Variants in PCDHGA2 observed in about 807,000 individuals in gnomAD.
PCDHGA2 encodes the protein protocadherin gamma subfamily A, 2, also known as protocadherin gamma-A2.
Under a neutral mutation model 59.2 loss-of-function variants are expected in PCDHGA2, and 40 were observed. The ratio of observed to expected loss-of-function variants is 0.68; its 90% CI spans 0.52 to 0.88. PCDHGA2 has a LOEUF of 0.88. Ranked by LOEUF, PCDHGA2 falls within the 40% of genes least tolerant of loss-of-function variation. The probability of loss-of-function intolerance (pLI) is 0.00; values close to 1 mark genes in which losing one functional copy is unlikely to be tolerated. For synonymous variants in PCDHGA2, 560 were observed against 526.0 expected (o/e 1.06, Z -0.89); for missense variants, 1,226 against 1,204.0 (o/e 1.02, Z -0.27).
At chr5:141,352,843 T>C (rs1158383642) in intron 1 of PCDHGA2, 4 of 698,596 alleles carry the variant, frequency 5.7e-6, no homozygotes, top group East Asian at 2.7e-5. Context: ...CAAAAATTAG[T>C]TGGGTGTGGT....
intron 1 of PCDHGA2, among the ~76,000 whole-genome samples, chr5:141,492,762 T>C (rs917580804): frequency 2.6e-5 from 4 of 152,206 alleles, no homozygotes; most frequent in African/African-American, 9.6e-5. Flanking sequence ...GGGCTCCGCG[T>C]TGGGCGAGTG....
At chr5:141,385,262 A>C (rs746220376) in intron 1 of PCDHGA2, 5 of 1,613,732 alleles carry the variant, frequency 3.1e-6, no homozygotes, top group Non-Finnish European at 4.2e-6. Flanking sequence ...TGTGAGAAAA[A>C]TGATTCTTTG....
At chr5:141,478,161 C>T (rs201111122) in intron 1 of PCDHGA2, 20 of 1,613,852 alleles carry the variant, frequency 1.2e-5, no homozygotes, top group Admixed American at 3.3e-5. Context: ...TCTGGCTCTG[C>T]CCCCCGGGAG....
At chr5:141,373,589 G>A (rs1769704620) in intron 1 of PCDHGA2, among the ~76,000 whole-genome samples, 2 of 152,242 alleles carry the variant, frequency 1.3e-5, no homozygotes, top group African/African-American at 2.4e-5. Flanking sequence ...GTGGTGAAAT[G>A]TGATGATAAT....
At chr5:141,418,935 A>T (rs1424307952) in intron 1 of PCDHGA2, 2 of 1,613,834 alleles carry the variant, frequency 1.2e-6, no homozygotes, top group Admixed American at 3.3e-5. Context: ...ATTATGGAGG[A>T]TTCCCCTCCA....
intron 1 of PCDHGA2, chr5:141,405,172 T>G: frequency 1.2e-6 from 2 of 1,614,092 alleles, no homozygotes; most frequent in African/African-American, 2.7e-5. Flanking sequence ...CCTCACACTT[T>G]GTGGGTGTAG....
intron 3 of PCDHGA2, chr5:141,508,127 G>A (rs1220643878): frequency 6.6e-6 from 1 of 152,628 alleles, no homozygotes; most frequent in Non-Finnish European, 1.5e-5. Context: ...ACAGAGGGAG[G>A]TCAGGGAGCT....
chr5:141,433,223 T>C lies in PCDHGA2; in HGVS notation c.2425-61584T>C, dbSNP rs2097577369. On this transcript the variant is annotated intron_variant, in intron 1 of 3. Coordinates refer to ENST00000394576, the MANE Select transcript of PCDHGA2 (RefSeq NM_018915.4). The stretch of plus-strand genomic sequence containing the variant: ...AATCTTCTTTCTTTTTTTTTTTTAA[T>C]TGCTCTGTCTCCCAAGCTGGAATGC... The C allele has an allele frequency of 4.6e-6, 7 of 1,525,952 alleles. No individual in the cohort carries two copies. In the East Asian group the frequency reaches 1.6e-4, roughly 34 times the overall value. The allele number at this position is 1,525,952 out of a possible 1,614,324, so 94.5% of individuals were successfully genotyped here. A position where few individuals can be genotyped will look rare whatever the true frequency, so the allele number is the denominator to read the frequency against.
At chr5:141,382,930 A>G (rs1292069137) in intron 1 of PCDHGA2, 9 of 1,583,428 alleles carry the variant, frequency 5.7e-6, no homozygotes, top group East Asian at 4.5e-5. Context: ...CGGGGACTAC[A>G]GAGGATTCTT....
intron 1 of PCDHGA2, among the ~76,000 whole-genome samples, chr5:141,455,428 GA>G (rs2098822635): frequency 6.6e-6 from 1 of 152,176 alleles, no homozygotes; most frequent in Non-Finnish European, 1.5e-5. Context: ...GGCTCCAAAA[GA>G]GGAGGTCCCC....
intron 1 of PCDHGA2, chr5:141,341,725 T>G: frequency 2.1e-6 from 1 of 466,714 alleles, no homozygotes; most frequent in South Asian, 3.9e-5. Flanking sequence ...AGATCAACAA[T>G]TTTTTCTTTG....
chr5:141,491,908 G>A lies in PCDHGA2; in HGVS notation c.2425-2899G>A. ...GGGGCTCCGAGCACCGGGGGTGGTG[G>A]CGACTGTGGGCGAGGGGAGGTGGGA... On this transcript the variant is annotated intron_variant, in intron 1 of 3. Transcript: ENST00000394576. The surrounding 1 kb of genome is among the most constrained non-coding windows in gnomAD (Gnocchi z 6.9). The A allele has an allele frequency of 7.1e-7, 1 of 1,408,288 alleles. No individual in the cohort carries two copies. Among genetic ancestry groups the A allele is most frequent in the East Asian group, 2.5e-5 (1 of 39,276 alleles). The allele number at this position is 1,408,288 out of a possible 1,614,324, so 87.2% of individuals were successfully genotyped here. A position where few individuals can be genotyped will look rare whatever the true frequency, so the allele number is the denominator to read the frequency against.
chr5:141,489,165 G>T lies in PCDHGA2; in HGVS notation c.2425-5642G>T. ...GAAGGAGACATAAGAGACTTCAGCT[G>T]CTGCATTCCAAGCCCTGGGTCTACC... On this transcript the variant is annotated intron_variant, in intron 1 of 3. Coordinates refer to ENST00000394576, the MANE Select transcript of PCDHGA2 (RefSeq NM_018915.4). This position sits in a 1 kb window ranked among gnomAD's most constrained non-coding sequence, Gnocchi z 4.5. 9.2e-7 allele frequency: 1 copy of T among 1,082,084 alleles called. No homozygotes were observed. Among genetic ancestry groups the T allele is most frequent in the Non-Finnish European group, 1.3e-6 (1 of 745,856 alleles). 67.0% of individuals were successfully genotyped at this position (1,082,084 alleles called of 1,614,324 possible).
rs888457230 is a variant in PCDHGA2, at chr5:141,493,727, C to T, written c.2425-1080C>T. On this transcript the variant is annotated intron_variant, in intron 1 of 3. Transcript: ENST00000394576. This position sits in a 1 kb window ranked among gnomAD's most constrained non-coding sequence, Gnocchi z 4.3. ...TGGAATGCTAGGTTTCTGGGTTCTG[C>T]TCATATCACTGCCACCTGTGAGCCT... Among the ~76,000 whole-genome samples, 2 of 152,184 alleles carry T rather than the reference C, an allele frequency of 1.3e-5. No homozygotes were observed. Among genetic ancestry groups the T allele is most frequent in the Admixed American group, 6.5e-5 (1 of 15,280 alleles).
chr5:141,492,487 C>T (rs1031047955), intron 1 of PCDHGA2, among the ~76,000 whole-genome samples: 1 of 152,222 alleles, frequency 6.6e-6, no homozygotes, highest in Non-Finnish European at 1.5e-5. Context: ...CGCCCAGGAC[C>T]AGGCGAGGAC....
At chr5:141,461,302 T>A (rs1009664719) in intron 1 of PCDHGA2, among the ~76,000 whole-genome samples, 3 of 152,142 alleles carry the variant, frequency 2.0e-5, no homozygotes. Flanking sequence ...CAACATCTAT[T>A]GTTTTTTGAC....
chr5:141,350,155 G>C (rs950480253), intron 1 of PCDHGA2: 18 of 998,812 alleles, frequency 1.8e-5, no homozygotes, highest in Non-Finnish European at 2.2e-5. Context: ...TCACCCTCGA[G>C]CGCCTAACTA....
chr5:141,484,123 T>C (rs2099592351), intron 1 of PCDHGA2, among the ~76,000 whole-genome samples: 1 of 152,174 alleles, frequency 6.6e-6, no homozygotes, highest in South Asian at 2.1e-4. Flanking sequence ...AAGAATACCT[T>C]GGTGTCAGAT....
At chr5:141,385,516 C>A in intron 1 of PCDHGA2, 1 of 1,367,218 alleles carries the variant, frequency 7.3e-7, no homozygotes, top group South Asian at 1.9e-5. Flanking sequence ...TAGTGAAAGC[C>A]TATGGACAAG....
Sources: allele counts gnomAD v4.1 joint callset (sites outside exome capture counted in the v4.1 genomes callset), GRCh38; gene constraint gnomAD v4.1.1; non-coding constraint Gnocchi (gnomAD v3.1); transcripts MANE v1.5; gene names NCBI Gene and HGNC (gene_info 2026-07-23, HGNC 2026-07-21).